EME2: variants seen among roughly 807,000 people sequenced by gnomAD.
The protein encoded by EME2 is essential meiotic structure-specific endonuclease subunit 2, also known as structure-specific endonuclease subunit EME2.
EME2 carries 58 observed loss-of-function variants against 41.9 expected under a neutral mutation model. The observed-to-expected ratio is 1.38, with a 90% CI of 1.12 to 1.72. The LOEUF (loss-of-function observed/expected upper bound fraction) is 1.72, where lower values mean the gene tolerates loss of function less well. EME2 is among the 40% of genes most tolerant of loss of function. The probability of loss-of-function intolerance (pLI) is 0.00; values close to 1 mark genes in which losing one functional copy is unlikely to be tolerated. For missense variants in EME2, 695 were observed against 541.9 expected, an observed-to-expected ratio of 1.28 and a Z score of -2.81; for synonymous variants, 334 against 239.3, an observed-to-expected ratio of 1.40 and a Z score of -3.65.
rs2042670349 is a variant in EME2, at chr16:1,773,907, C to T, written c.384+66C>T. 58 of 1,476,310 alleles carry T rather than the reference C, an allele frequency of 3.9e-5. 1 individual carries two copies. The South Asian group carries it at 7.4e-4, about 19-fold the overall frequency. The allele number at this position is 1,476,310 out of a possible 1,614,324, so 91.5% of individuals were successfully genotyped here. On this transcript the variant is annotated intron_variant, in intron 2 of 7. Coordinates refer to ENST00000568449, the MANE Select transcript of EME2 (RefSeq NM_001257370.2). ...CTGTTTTGCTTCCATGATTTCAGCCCTGGAGCTGTCCCTGAGGCAGCTGCC... is the reference window on the plus strand; with the variant it reads ...CTGTTTTGCTTCCATGATTTCAGCCTTGGAGCTGTCCCTGAGGCAGCTGCC...
In EME2 at chr16:1,773,265, G is replaced by T; in HGVS notation, c.38G>T (p.Cys13Phe). 6.9e-7 allele frequency: 1 copy of T among 1,459,592 alleles called. No individual in the cohort carries two copies. The highest frequency in any genetic ancestry group is 9.0e-7 in the Non-Finnish European group (1 of 1,115,480). The allele number at this position is 1,459,592 out of a possible 1,614,324, so 90.4% of individuals were successfully genotyped here. Residue 13 changes from cysteine to phenylalanine, a missense_variant, in exon 1 of 8, where the codon TGC becomes TTC. Coordinates refer to ENST00000568449, the MANE Select transcript of EME2 (RefSeq NM_001257370.2). ...RVGPGRAGVS[C>F]QGRGRGRGGS... ...GGACCCGGGAGGGCGGGGGTCTCTT[G>T]CCAGGGCCGGGGCCGGGGACGGGGC...
At chr16:1,775,245 T>C (rs773508685) in intron 4 of EME2, 70 bp from the exon 5 acceptor site, 1 of 1,596,084 alleles carries the variant, frequency 6.3e-7, no homozygotes, top group South Asian at 1.1e-5. Flanking sequence ...CCAGGTGGGC[T>C]CTGGCAGAGG....
In EME2 at chr16:1,776,005, C is replaced by T; in HGVS notation, c.969+19C>T. 6.2e-7 allele frequency: 1 copy of T among 1,607,172 alleles called. No homozygotes were observed. Among genetic ancestry groups the T allele is most frequent in the Non-Finnish European group, 8.5e-7 (1 of 1,178,420 alleles). ...GCAGCAGGTGGGCCCCTGCCTCCTC[C>T]AAGCCCTCCAGGTGCAGAAGCCCCG... On this transcript the variant is annotated intron_variant, in intron 7 of 7. Coordinates refer to ENST00000568449, the MANE Select transcript of EME2 (RefSeq NM_001257370.2).
rs1332931058 is a variant in EME2 at position 1,777,594 on chromosome 16, C to G, written c.*1356C>G. 2.1e-5 allele frequency: 29 copies of G among 1,396,582 alleles called. No homozygotes were observed. The allele number at this position is 1,396,582 out of a possible 1,614,324, so 86.5% of individuals were successfully genotyped here. A position where few individuals can be genotyped will look rare whatever the true frequency, so the allele number is the denominator to read the frequency against. On this transcript the variant is annotated 3_prime_UTR_variant, in exon 8 of 8. Coordinates refer to ENST00000568449, the MANE Select transcript of EME2 (RefSeq NM_001257370.2). ...CACGCGCTGGCCCTGCCACTCCAGC[C>G]TGGCCTCACTGTCCCACCCCCTGGG...
intron 1 of EME2, 96 bp downstream of exon 1, chr16:1,773,570 G>A: frequency 6.6e-7 from 1 of 1,511,162 alleles, no homozygotes; most frequent in African/African-American, 1.4e-5. Flanking sequence ...GCGTGCCGAG[G>A]GGCCTGGGGC....
rs1189213811 is a variant in EME2 at position 1,780,873 on chromosome 16, C to T, written c.*4635C>T. ...TCAGCCTCCTGAGTCGTTGGGACTA[C>T]AGGCACGTGCCACCACGCCTGACAC... is the stretch of plus-strand genomic sequence containing the variant. On this transcript the variant is annotated 3_prime_UTR_variant, in exon 8 of 8. Transcript: ENST00000568449. 9.1e-6 allele frequency: 3 copies of T among 329,180 alleles called. No individual in the cohort carries two copies. The highest frequency in any genetic ancestry group is 1.8e-5 in the Non-Finnish European group (3 of 168,436). The allele number at this position is 329,180 out of a possible 1,614,324, so 20.4% of individuals were successfully genotyped here.
Position 1,781,389 on chromosome 16 carries a change from G to C in EME2, c.*5151G>C. ...ATCAGAGTCGTAGCCCCAGTTAGTGGAGCCTGCTAGAGCCACGGCCCGGGC... is the reference window on the plus strand; with the variant it reads ...ATCAGAGTCGTAGCCCCAGTTAGTGCAGCCTGCTAGAGCCACGGCCCGGGC... On this transcript the variant is annotated 3_prime_UTR_variant, in exon 8 of 8. Coordinates refer to ENST00000568449, the MANE Select transcript of EME2 (RefSeq NM_001257370.2). 2 of 1,612,852 alleles carry C rather than the reference G, an allele frequency of 1.2e-6. No homozygotes were observed. Among genetic ancestry groups the C allele is most frequent in the African/African-American group, 1.3e-5 (1 of 75,020 alleles).
chr16:1,775,260 G>A (rs1037611787), intron 4 of EME2, 55 bp from the exon 5 acceptor site: 7 of 1,601,982 alleles, frequency 4.4e-6, no homozygotes, highest in Non-Finnish European at 5.1e-6. Context: ...CAGAGGCCAA[G>A]CTCGGGCAGG....
Position 1,778,214 on chromosome 16 carries a change from T to A in EME2, c.*1976T>A. The stretch of plus-strand genomic sequence containing the variant: ...TCCCCCAGCTCCTTGGTGCCCCGGA[T>A]GGCCGCTGTGCCGCAGCTGTACTCC... On this transcript the variant is annotated 3_prime_UTR_variant, in exon 8 of 8. Transcript: ENST00000568449. The A allele has an allele frequency of 6.2e-7, 1 of 1,612,990 alleles. No homozygotes were observed. Among genetic ancestry groups the A allele is most frequent in the Non-Finnish European group, 8.5e-7 (1 of 1,179,964 alleles).
chr16:1,778,763 G>A lies in EME2; in HGVS notation c.*2525G>A. On this transcript the variant is annotated 3_prime_UTR_variant, in exon 8 of 8. Transcript: ENST00000568449. ...GACTTCACAGTACCCCGAGCGCACA[G>A]CCCAGGCTCCCTCCCAACGGGCTCC... 1 of 813,174 alleles carries A rather than the reference G, an allele frequency of 1.2e-6. No individual in the cohort carries two copies. The allele number at this position is 813,174 out of a possible 1,614,324, so 50.4% of individuals were successfully genotyped here.
rs2745169 is a variant in EME2 at position 1,775,767 on chromosome 16, A to G, written c.780-30A>G. 1.2e-4 allele frequency: 186 copies of G among 1,611,790 alleles called. No individual in the cohort carries two copies. In the East Asian group the frequency reaches 2.4e-3, roughly 21 times the overall value. On this transcript the variant is annotated intron_variant, in intron 6 of 7. Transcript: ENST00000568449. ...CGGCCTTTTGGGAGCTGCTCACATG[A>G]GGTTCTAAAAGGCTTCTCTCTGTCC...
At chr16:1,774,926 G>A in intron 3 of EME2, 115 bp from the exon 4 acceptor site, 1 of 816,442 alleles carries the variant, frequency 1.2e-6, no homozygotes, top group Non-Finnish European at 2.0e-6. Flanking sequence ...GCTCCTCTCG[G>A]CACCACTGGC....
Position 1,781,606 on chromosome 16 carries a change from G to C in EME2, c.*5368G>C. ...AAGTGGGGACTGCAGGGGCCGCACC[G>C]GTGCCCAGCCAGGGCTCCAGAACGC... On this transcript the variant is annotated 3_prime_UTR_variant, in exon 8 of 8. Coordinates refer to ENST00000568449, the MANE Select transcript of EME2 (RefSeq NM_001257370.2). 1 of 1,204,744 alleles carries C rather than the reference G, an allele frequency of 8.3e-7. No individual in the cohort carries two copies. Among genetic ancestry groups the C allele is most frequent in the South Asian group, 1.5e-5 (1 of 65,212 alleles). 74.6% of individuals were successfully genotyped at this position (1,204,744 alleles called of 1,614,324 possible). A position where few individuals can be genotyped will look rare whatever the true frequency, so the allele number is the denominator to read the frequency against.
chr16:1,777,457 GCCCAGCCTGAAC>G lies in EME2; in HGVS notation c.*1225_*1236del, dbSNP rs1299608354. ...TGGCTGCCACACCTGGAAGGGAGGG[GCCCAGCCTGAAC>G]CCCAGGCAGGGAAGGGGCCAGCTAC... On this transcript the variant is annotated 3_prime_UTR_variant, in exon 8 of 8. Transcript: ENST00000568449. 7.4e-6 allele frequency: 11 copies of G among 1,488,336 alleles called. No homozygotes were observed. The highest frequency in any genetic ancestry group is 9.8e-6 in the Non-Finnish European group (11 of 1,120,104). 92.2% of individuals were successfully genotyped at this position (1,488,336 alleles called of 1,614,324 possible). A position where few individuals can be genotyped will look rare whatever the true frequency, so the allele number is the denominator to read the frequency against.
chr16:1,776,506 G>A lies in EME2; in HGVS notation c.*268G>A, dbSNP rs2141984526. 1 of 461,420 alleles carries A rather than the reference G, an allele frequency of 2.2e-6. No homozygotes were observed. Among genetic ancestry groups the A allele is most frequent in the East Asian group, 3.5e-5 (1 of 28,492 alleles). 28.6% of individuals were successfully genotyped at this position (461,420 alleles called of 1,614,324 possible). ...CAGGGGAGGCCTCAGCAGCAGGGCT[G>A]TGCCCCCCCAACACACACACACACT... On this transcript the variant is annotated 3_prime_UTR_variant, in exon 8 of 8. Transcript: ENST00000568449.
rs367556087 is a variant in EME2, at chr16:1,777,923, G to A, written c.*1685G>A. ...GCCCGGGAGCTCCAGGCTCGGCCCCGCCCCACCCTGGGCCTCACGCACCCG... is the reference window on the plus strand; with the variant it reads ...GCCCGGGAGCTCCAGGCTCGGCCCCACCCCACCCTGGGCCTCACGCACCCG... On this transcript the variant is annotated 3_prime_UTR_variant, in exon 8 of 8. Transcript: ENST00000568449. 2.8e-4 allele frequency: 453 copies of A among 1,611,986 alleles called. No individual in the cohort carries two copies. Among genetic ancestry groups the A allele is most frequent in the Middle Eastern group, 6.6e-4 (4 of 6,056 alleles).
Position 1,777,122 on chromosome 16 carries a change from TGGCAGGGCCGA to T in EME2, c.*888_*898del. On this transcript the variant is annotated 3_prime_UTR_variant, in exon 8 of 8. Coordinates refer to ENST00000568449, the MANE Select transcript of EME2 (RefSeq NM_001257370.2). ...TCAGGTCCGGCGGCAGCGCTTCCTCTGGCAGGGCCGAGGCTCGCGACTGCTGGGGTGGGCGG... is the reference window on the plus strand; with the variant it reads ...TCAGGTCCGGCGGCAGCGCTTCCTCTGGCTCGCGACTGCTGGGGTGGGCGG... 1 of 1,611,446 alleles carries T rather than the reference TGGCAGGGCCGA, an allele frequency of 6.2e-7. No homozygotes were observed. Among genetic ancestry groups the T allele is most frequent in the Admixed American group, 1.7e-5 (1 of 59,950 alleles).
At position 1,773,897 on chromosome 16, in the gene EME2, G is replaced by C. The variant is rs529926617; in HGVS notation, c.384+56G>C. 6 of 1,493,830 alleles carry C rather than the reference G, an allele frequency of 4.0e-6. No homozygotes were observed. In the South Asian group the frequency reaches 7.9e-5, roughly 20 times the overall value. 92.5% of individuals were successfully genotyped at this position (1,493,830 alleles called of 1,614,324 possible). A position where few individuals can be genotyped will look rare whatever the true frequency, so the allele number is the denominator to read the frequency against. On this transcript the variant is annotated intron_variant, in intron 2 of 7. Coordinates refer to ENST00000568449, the MANE Select transcript of EME2 (RefSeq NM_001257370.2). ...CGCGAGTTGGCTGTTTTGCTTCCATGATTTCAGCCCTGGAGCTGTCCCTGA... is the reference window on the plus strand; with the variant it reads ...CGCGAGTTGGCTGTTTTGCTTCCATCATTTCAGCCCTGGAGCTGTCCCTGA...
chr16:1,775,294 G>A (rs759793304), intron 4 of EME2, 21 bp from the exon 5 acceptor site: 7 of 1,608,774 alleles, frequency 4.4e-6, no homozygotes, highest in Admixed American at 1.7e-5. Context: ...GGAGCGGGGA[G>A]GAATGGTCAC....
Sources: gnomAD v4.1 joint callset for allele counts on GRCh38, gnomAD v4.1.1 for gene constraint, MANE v1.5 for transcripts, NCBI Gene and HGNC (gene_info 2026-07-23, HGNC 2026-07-21) for gene names.